Variants in DBT observed in about 807,000 individuals in gnomAD.
DBT encodes the protein dihydrolipoamide branched chain transacylase E2.
In DBT, 40 loss-of-function variants were observed where a neutral mutation model predicts 51.3. The observed-to-expected ratio is 0.78, with a 90% confidence interval of 0.61 to 1.02. The LOEUF (loss-of-function observed/expected upper bound fraction) is 1.02. Among genes scored for constraint, DBT ranks in the 50% least tolerant of loss-of-function variants. DBT has a pLI of 0.00. For synonymous variants in DBT, 181 were observed against 190.4 expected, an observed-to-expected ratio of 0.95 and a Z score of 0.41; for missense variants, 510 against 580.2, an observed-to-expected ratio of 0.88 and a Z score of 1.24.
intron 2 of DBT, among the ~76,000 whole-genome samples, chr1:100,237,222 T>A (rs182757899): frequency 6.6e-5 from 10 of 152,226 alleles, no homozygotes; most frequent in African/African-American, 9.6e-5. Flanking sequence ...GGATGAGACA[T>A]CAGGAAAAGG....
In DBT at chr1:100,204,746, C is replaced by A. The variant is rs151044698; in HGVS notation, c.1281+1484G>T. ...TAACCAAAACAGCATGGTAATGGTA[C>A]CAAAACAGAGAGATAGACCAATGGA... On this transcript the variant is annotated intron_variant, in intron 10 of 10. Coordinates refer to ENST00000370132, the MANE Select transcript of DBT (RefSeq NM_001918.5). Among the ~76,000 whole-genome samples the A allele has an allele frequency of 8.4e-3, 1,276 of 152,172 alleles. 11 individuals are homozygous for A. Among genetic ancestry groups the A allele is most frequent in the Non-Finnish European group, 0.013 (906 of 68,018 alleles).
intron 8 of DBT, among the ~76,000 whole-genome samples, chr1:100,210,352 GAAT>G (rs1422612750): frequency 1.1e-4 from 11 of 101,640 alleles, no homozygotes; most frequent in East Asian, 8.4e-4. Flanking sequence ...AGAAGAATAA[GAAT>G]AATAATATTA....
chr1:100,224,949 T>C (rs997580848), intron 4 of DBT, among the ~76,000 whole-genome samples: 5 of 146,070 alleles, frequency 3.4e-5, no homozygotes, highest in Admixed American at 7.0e-5. Flanking sequence ...AACCAGGGAG[T>C]TGGAGGTCGC....
chr1:100,239,611 C>T (rs920668976), intron 2 of DBT, among the ~76,000 whole-genome samples: 10 of 151,900 alleles, frequency 6.6e-5, no homozygotes, highest in African/African-American at 2.4e-4. Context: ...GGGCTCATGC[C>T]TGTAATCCCA....
chr1:100,243,998 C>A (rs1664387511), intron 1 of DBT, among the ~76,000 whole-genome samples: 1 of 137,984 alleles, frequency 7.2e-6, no homozygotes, highest in South Asian at 2.3e-4. Context: ...GCAGGCCGGG[C>A]ACAGTGGTTC....
intron 4 of DBT, among the ~76,000 whole-genome samples, chr1:100,227,352 G>T (rs553396459): frequency 2.2e-4 from 34 of 152,244 alleles, no homozygotes; most frequent in Non-Finnish European, 4.6e-4. Flanking sequence ...CAAAGGGAAA[G>T]AATTAAGCAT....
intron 8 of DBT, among the ~76,000 whole-genome samples, chr1:100,208,364 G>A (rs915531109): frequency 1.3e-5 from 2 of 152,084 alleles, no homozygotes. Context: ...AAGCATTTCA[G>A]GTAACGGATA....
intron 10 of DBT, among the ~76,000 whole-genome samples, chr1:100,203,207 A>T (rs1196568526): frequency 6.6e-6 from 1 of 152,198 alleles, no homozygotes; most frequent in Non-Finnish European, 1.5e-5. Context: ...TGCTAGCTGG[A>T]CTAATAAAGA....
At chr1:100,229,175 CTTT>C (rs1351360972) in intron 4 of DBT, among the ~76,000 whole-genome samples, 1 of 151,230 alleles carries the variant, frequency 6.6e-6, no homozygotes, top group African/African-American at 2.4e-5. Flanking sequence ...CTTTTTTTTC[CTTT>C]TTTTTAAGAG....
rs981787549 is a variant in DBT at position 100,192,332 on chromosome 1, T to C, written c.*3923A>G. On this transcript the variant is annotated 3_prime_UTR_variant, in exon 11 of 11. Coordinates refer to ENST00000370132, the MANE Select transcript of DBT (RefSeq NM_001918.5). ...AGGGCAAAAACTTCATCTATCTAAT[T>C]CACCTTTATCCATAATCTCTACCCT... 1 of 152,238 alleles carries C rather than the reference T, an allele frequency of 6.6e-6. No homozygotes were observed. Among genetic ancestry groups the C allele is most frequent in the Non-Finnish European group, 1.5e-5 (1 of 68,044 alleles). 9.4% of individuals were successfully genotyped at this position (152,238 alleles called of 1,614,324 possible).
intron 1 of DBT, among the ~76,000 whole-genome samples, chr1:100,248,112 A>C (rs1396936962): frequency 2.0e-5 from 3 of 151,936 alleles, no homozygotes; most frequent in Non-Finnish European, 2.9e-5. Flanking sequence ...AAAAAAAAAA[A>C]AAAAAAAGAC....
intron 3 of DBT, among the ~76,000 whole-genome samples, chr1:100,232,854 G>A (rs1663626579): frequency 6.6e-6 from 1 of 152,122 alleles, no homozygotes; most frequent in Admixed American, 6.5e-5. Context: ...GAGCTATATT[G>A]GAGCAGAGTC....
rs1209573937 is a variant in DBT, at chr1:100,193,547, T to A, written c.*2708A>T. 1 of 152,258 alleles carries A rather than the reference T, an allele frequency of 6.6e-6. No individual in the cohort carries two copies. The highest frequency in any genetic ancestry group is 1.5e-5 in the Non-Finnish European group (1 of 68,040). 9.4% of individuals were successfully genotyped at this position (152,258 alleles called of 1,614,324 possible). ...TTAGAACCATGATTGGTATGGTAGA[T>A]GTTTAATGTTTGAATGTATAATAAA... On this transcript the variant is annotated 3_prime_UTR_variant, in exon 11 of 11. Transcript: ENST00000370132.
chr1:100,248,936 T>C (rs1664744098), intron 1 of DBT: 1 of 207,572 alleles, frequency 4.8e-6, no homozygotes, highest in South Asian at 1.7e-4. Flanking sequence ...TGTCTCCCTC[T>C]CCTTTGTCCT....
At position 100,194,274 on chromosome 1, in the gene DBT, C is replaced by T. The variant is rs1660961039; in HGVS notation, c.*1981G>A. ...CTTTGAACTCCTGGGCTCAATTGATCCTCTTGTCTCAGCTTCCTGAGTAGC... is the reference window on the plus strand; with the variant it reads ...CTTTGAACTCCTGGGCTCAATTGATTCTCTTGTCTCAGCTTCCTGAGTAGC... On this transcript the variant is annotated 3_prime_UTR_variant, in exon 11 of 11. Coordinates refer to ENST00000370132, the MANE Select transcript of DBT (RefSeq NM_001918.5). 1.3e-5 allele frequency: 2 copies of T among 152,146 alleles called. No homozygotes were observed. Among genetic ancestry groups the T allele is most frequent in the Admixed American group, 1.3e-4 (2 of 15,284 alleles). 9.4% of individuals were successfully genotyped at this position (152,146 alleles called of 1,614,324 possible).
At chr1:100,212,793 A>G (rs1209057559) in intron 7 of DBT, among the ~76,000 whole-genome samples, 2 of 152,212 alleles carry the variant, frequency 1.3e-5, no homozygotes, top group Non-Finnish European at 2.9e-5. Flanking sequence ...GGAATTGTGT[A>G]TTCCAGCAAT....
In DBT at chr1:100,249,752, C is replaced by A. The variant is rs1388052528; in HGVS notation, c.51+18G>T. The A allele has an allele frequency of 6.2e-7, 1 of 1,613,286 alleles. No homozygotes were observed. The highest frequency in any genetic ancestry group is 1.7e-5 in the Admixed American group (1 of 60,012). The stretch of plus-strand genomic sequence containing the variant: ...AAATCACTCCTTCCCGGCCTCAGAT[C>A]TGCCCAAACGTGCTTACCAGCTTCC... On this transcript the variant is annotated intron_variant, in intron 1 of 10. Transcript: ENST00000370132.
At chr1:100,241,458 C>A (rs370223229) in intron 1 of DBT, among the ~76,000 whole-genome samples, 1 of 150,934 alleles carries the variant, frequency 6.6e-6, no homozygotes, top group Non-Finnish European at 1.5e-5. Flanking sequence ...TGCAGTGGTG[C>A]GATCACAGTT....
At chr1:100,238,863 G>A (rs1664053176) in intron 2 of DBT, among the ~76,000 whole-genome samples, 2 of 152,156 alleles carry the variant, frequency 1.3e-5, no homozygotes, top group African/African-American at 2.4e-5. Flanking sequence ...GGTGAGAGTT[G>A]AAGGCATGTG....
Sources: allele counts gnomAD v4.1 joint callset (sites outside exome capture counted in the v4.1 genomes callset), GRCh38; gene constraint gnomAD v4.1.1; transcripts MANE v1.5; gene names NCBI Gene and HGNC (gene_info 2026-07-23, HGNC 2026-07-21).